Variants in RARB observed in about 807,000 individuals in gnomAD.
The protein encoded by RARB is retinoic acid receptor beta.
In RARB, 17 loss-of-function variants were observed where a neutral mutation model predicts 51.9. That is an observed-to-expected ratio of 0.33 (90% CI 0.22 to 0.49). RARB has a LOEUF of 0.49. Among genes scored for constraint, RARB ranks in the 20% least tolerant of loss-of-function variants. The pLI is 0.99. For synonymous variants in RARB, 215 were observed against 195.4 expected (o/e 1.10, Z -0.84); for missense variants, 369 against 550.8 (o/e 0.67, Z 3.30).
chr3:25,209,818 C>T (rs957792243), intron 5 of RARB, among the ~76,000 whole-genome samples: 1 of 152,146 alleles, frequency 6.6e-6, no homozygotes, highest in Non-Finnish European at 1.5e-5. Context: ...GGTTAGTTGG[C>T]CTTCAGAATG....
At chr3:25,208,245 T>G (rs1222691805) in intron 5 of RARB, among the ~76,000 whole-genome samples, 4 of 152,328 alleles carry the variant, frequency 2.6e-5, no homozygotes, top group East Asian at 3.9e-4. Flanking sequence ...TAGCATATTT[T>G]ATTGTTCTGA....
At chr3:25,344,540 T>C (rs1233660522) in intron 5 of RARB, among the ~76,000 whole-genome samples, 1 of 152,206 alleles carries the variant, frequency 6.6e-6, no homozygotes, top group African/African-American at 2.4e-5. Flanking sequence ...AGTGCTCAGT[T>C]TGGTATTTGT....
intron 2 of RARB, among the ~76,000 whole-genome samples, chr3:24,955,723 C>A (rs1258978797): frequency 6.6e-6 from 1 of 151,954 alleles, no homozygotes; most frequent in Non-Finnish European, 1.5e-5. Context: ...GGGATGTTAA[C>A]AATTTTTTTC....
Position 25,136,944 on chromosome 3 carries a change from G to A in RARB, c.-280+4736G>A, listed in dbSNP as rs141145437. Among the ~76,000 whole-genome samples, 104 of 152,040 alleles carry A rather than the reference G, an allele frequency of 6.8e-4. 1 individual carries two copies. The East Asian group carries it at 0.017, about 24-fold the overall frequency. ...GTATCAACAACCGCACAGATTTGTT[G>A]GGAGCCCAGAATGGCCCATGATTTG... On this transcript the variant is annotated intron_variant, in intron 4 of 11. Transcript: ENST00000383772.
At chr3:24,881,598 C>A (rs1703168053) in intron 2 of RARB, among the ~76,000 whole-genome samples, 1 of 152,048 alleles carries the variant, frequency 6.6e-6, no homozygotes, top group African/African-American at 2.4e-5. Context: ...AAACAGATTA[C>A]CTATAAATGT....
chr3:24,894,960 A>C (rs995799477), intron 2 of RARB, among the ~76,000 whole-genome samples: 1 of 152,174 alleles, frequency 6.6e-6, no homozygotes. Flanking sequence ...TGAGTTGAAG[A>C]ACATATGTGG....
chr3:25,240,173 G>A (rs908683221), intron 5 of RARB, among the ~76,000 whole-genome samples: 2 of 151,798 alleles, frequency 1.3e-5, no homozygotes, highest in Non-Finnish European at 2.9e-5. Flanking sequence ...ACTGCTTTTT[G>A]TATGTTTTAT....
chr3:25,318,453 C>T (rs1394890694), intron 5 of RARB, among the ~76,000 whole-genome samples: 1 of 152,106 alleles, frequency 6.6e-6, no homozygotes, highest in Non-Finnish European at 1.5e-5. Flanking sequence ...GATCATTGTA[C>T]TAAAATGGAT....
intron 2 of RARB, among the ~76,000 whole-genome samples, chr3:25,049,659 TATAAAG>T (rs1168451090): frequency 6.6e-6 from 1 of 152,206 alleles, no homozygotes; most frequent in Admixed American, 6.5e-5. Flanking sequence ...TGAATAGCGA[TATAAAG>T]AGAATACATG....
intron 5 of RARB, among the ~76,000 whole-genome samples, chr3:25,363,266 A>T (rs1706009481): frequency 6.6e-6 from 1 of 152,176 alleles, no homozygotes; most frequent in South Asian, 2.1e-4. Flanking sequence ...CTGTGGGGCT[A>T]GTCTGATGGC....
At chr3:25,169,874 G>A (rs968903169) in intron 4 of RARB, among the ~76,000 whole-genome samples, 3 of 151,950 alleles carry the variant, frequency 2.0e-5, no homozygotes, top group Non-Finnish European at 4.4e-5. Context: ...TATAGTTCCA[G>A]CTACTCTGGA....
chr3:24,944,466 T>C (rs555322506), intron 2 of RARB, among the ~76,000 whole-genome samples: 2 of 152,346 alleles, frequency 1.3e-5, no homozygotes, highest in South Asian at 2.1e-4. Flanking sequence ...GGCATTGCCT[T>C]TGTTGCTTTG....
chr3:25,356,846 A>G (rs7637066), intron 5 of RARB, among the ~76,000 whole-genome samples: 152,137 of 152,170 alleles, frequency 1, 76,052 homozygotes, highest in Middle Eastern at 1. Flanking sequence ...ACATGAACTC[A>G]TTCTTTTTTA....
chr3:24,843,922 C>G (rs1173819992), intron 1 of RARB, among the ~76,000 whole-genome samples: 2 of 151,972 alleles, frequency 1.3e-5, no homozygotes, highest in Non-Finnish European at 2.9e-5. Context: ...CACACACACA[C>G]ACACACACAC....
intron 2 of RARB, among the ~76,000 whole-genome samples, chr3:25,048,910 G>A (rs1364842033): frequency 6.6e-6 from 1 of 151,906 alleles, no homozygotes. Flanking sequence ...CCGCCACTGT[G>A]CCCGGCTAAC....
chr3:24,897,737 C>T (rs1332232366), intron 2 of RARB, among the ~76,000 whole-genome samples: 3 of 144,970 alleles, frequency 2.1e-5, no homozygotes, highest in African/African-American at 5.1e-5. Flanking sequence ...TTCCATAGAA[C>T]ACAATGCTCT....
chr3:25,057,602 C>A (rs764377455), intron 2 of RARB, among the ~76,000 whole-genome samples: 7 of 151,972 alleles, frequency 4.6e-5, no homozygotes. Context: ...GAAAGACTTA[C>A]TCATTTGTGG....
intron 4 of RARB, among the ~76,000 whole-genome samples, chr3:25,164,537 CTT>C (rs931638291): frequency 6.6e-6 from 1 of 152,108 alleles, no homozygotes; most frequent in African/African-American, 2.4e-5. Flanking sequence ...GTTGTCTTGA[CTT>C]TTAAATTCAA....
In RARB at chr3:24,931,326, T is replaced by C. The variant is rs1385234111; in HGVS notation, c.-380+72574T>C. On this transcript the variant is annotated intron_variant, in intron 2 of 11. Transcript: ENST00000383772. ...TTCCTCCAAATACACAAGGCAAAGC[T>C]TACAGTTCTTGGTATGTCACTTAAG... Among the ~76,000 whole-genome samples, 3 of 152,212 alleles carry C rather than the reference T, an allele frequency of 2.0e-5. No individual in the cohort carries two copies. The East Asian group carries it at 5.8e-4, about 29-fold the overall frequency.
Sources: allele counts gnomAD v4.1 joint callset (sites outside exome capture counted in the v4.1 genomes callset), GRCh38; gene constraint gnomAD v4.1.1; transcripts MANE v1.5; gene names NCBI Gene and HGNC (gene_info 2026-07-23, HGNC 2026-07-21).